The following INVS variants were observed in gnomAD, a reference collection of about 807,000 sequenced individuals.
INVS encodes inversion of embryo turning homolog.
INVS carries 86 observed loss-of-function variants against 108.8 expected under a neutral mutation model. The observed-to-expected ratio is 0.79, with a 90% CI of 0.66 to 0.95. INVS has a LOEUF of 0.95. Among genes scored for constraint, INVS ranks in the 40% least tolerant of loss-of-function variants. INVS has a pLI of 0.00. For missense variants in INVS, 1,169 were observed against 1,297.4 expected (o/e 0.90, Z 1.52); for synonymous variants, 455 against 473.5 (o/e 0.96, Z 0.51).
At chr9:100,152,338 A>C (rs1161285326) in intron 3 of INVS, among the ~76,000 whole-genome samples, 1 of 152,178 alleles carries the variant, frequency 6.6e-6, no homozygotes, top group African/African-American at 2.4e-5. Context: ...TCGGCCATTC[A>C]GTATAGTTGT....
At chr9:100,152,199 C>T (rs1354768669) in intron 3 of INVS, among the ~76,000 whole-genome samples, 1 of 150,124 alleles carries the variant, frequency 6.7e-6, no homozygotes, top group African/African-American at 2.5e-5. Flanking sequence ...TGATGAACAT[C>T]TTAATATGTA....
chr9:100,211,650 A>G (rs1189651446), intron 3 of INVS, among the ~76,000 whole-genome samples: 6 of 152,224 alleles, frequency 3.9e-5, no homozygotes, highest in Non-Finnish European at 8.8e-5. Context: ...GGGGGGAAAT[A>G]TTAGAAGAGT....
intron 3 of INVS, among the ~76,000 whole-genome samples, chr9:100,196,959 C>T (rs911096158): frequency 2.6e-5 from 4 of 152,074 alleles, no homozygotes; most frequent in Non-Finnish European, 5.9e-5. Flanking sequence ...ATGGAGACCT[C>T]TCCACCAGCA....
In INVS at chr9:100,099,405, G is replaced by A. The variant is rs1826740695; in HGVS notation, c.-36G>A. ...AGCCGCCCCCGGGACGTCAGTCCTG[G>A]AGGAGGCGAGGGTGAGTAGGAGGGG... On this transcript the variant is annotated 5_prime_UTR_variant, in exon 1 of 17. Coordinates refer to ENST00000262457, the MANE Select transcript of INVS (RefSeq NM_014425.5). The A allele has an allele frequency of 6.5e-6, 1 of 153,452 alleles. No individual in the cohort carries two copies. The highest frequency in any genetic ancestry group is 6.5e-5 in the Admixed American group (1 of 15,296). The allele number at this position is 153,452 out of a possible 1,614,324, so 9.5% of individuals were successfully genotyped here. A position where few individuals can be genotyped will look rare whatever the true frequency, so the allele number is the denominator to read the frequency against.
intron 2 of INVS, among the ~76,000 whole-genome samples, chr9:100,121,858 G>T (rs936932489): frequency 2.0e-5 from 3 of 151,946 alleles, no homozygotes; most frequent in Non-Finnish European, 4.4e-5. Flanking sequence ...TTCCTTCTAA[G>T]CTTCCCTCAT....
At chr9:100,138,415 A>T (rs937057943) in intron 3 of INVS, among the ~76,000 whole-genome samples, 8 of 151,784 alleles carry the variant, frequency 5.3e-5, no homozygotes, top group African/African-American at 1.2e-4. Flanking sequence ...TCAAAAAAAA[A>T]TTTTATATAT....
chr9:100,117,482 C>G, intron 2 of INVS: 2 of 784,488 alleles, frequency 2.5e-6, no homozygotes, highest in South Asian at 1.4e-5. Context: ...CTTGCCTTCT[C>G]GAGCTCCACG....
intron 12 of INVS, among the ~76,000 whole-genome samples, chr9:100,280,649 A>C (rs1436009790): frequency 1.3e-5 from 2 of 152,312 alleles, no homozygotes; most frequent in East Asian, 3.9e-4. Context: ...TTTTTTTTCT[A>C]AACTTTACAA....
intron 5 of INVS, among the ~76,000 whole-genome samples, chr9:100,231,619 T>G (rs982525087): frequency 6.6e-6 from 1 of 151,918 alleles, no homozygotes; most frequent in Admixed American, 6.6e-5. Context: ...TTTTCTGTTC[T>G]TGTGTTAATT....
rs192762247 is a variant in INVS at position 100,114,156 on chromosome 9, T to C, written c.106+9529T>C. ...TCACCCTTGTTCGTATACAGTTATT[T>C]AATTTTGAGAAATATATAATCATGT... On this transcript the variant is annotated intron_variant, in intron 2 of 16. Coordinates refer to ENST00000262457, the MANE Select transcript of INVS (RefSeq NM_014425.5). Among the ~76,000 whole-genome samples the C allele has an allele frequency of 4.4e-4, 67 of 152,310 alleles. No individual in the cohort carries two copies. The East Asian group carries it at 8.9e-3, about 20-fold the overall frequency.
intron 3 of INVS, among the ~76,000 whole-genome samples, chr9:100,159,599 A>G (rs1175061670): frequency 6.6e-6 from 1 of 152,214 alleles, no homozygotes; most frequent in African/African-American, 2.4e-5. Context: ...CATAAAAAAT[A>G]CAGACTAAAC....
chr9:100,108,469 G>C (rs988749145), intron 2 of INVS, among the ~76,000 whole-genome samples: 5 of 152,178 alleles, frequency 3.3e-5, no homozygotes, highest in African/African-American at 1.2e-4. Context: ...AATAATAACT[G>C]TTTCATCTTA....
At chr9:100,238,061 T>C (rs1158646689) in intron 5 of INVS, among the ~76,000 whole-genome samples, 1 of 152,108 alleles carries the variant, frequency 6.6e-6, no homozygotes, top group East Asian at 1.9e-4. Context: ...ATATTTTTAG[T>C]AGAGACGGGG....
intron 1 of INVS, among the ~76,000 whole-genome samples, chr9:100,104,136 A>G (rs1372663190): frequency 6.6e-6 from 1 of 152,088 alleles, no homozygotes; most frequent in African/African-American, 2.4e-5. Flanking sequence ...CTACCCTCTC[A>G]TTTTACAGAT....
chr9:100,226,010 AT>A, intron 3 of INVS, 51 bp from the exon 4 acceptor site: 1 of 1,360,728 alleles, frequency 7.3e-7, no homozygotes, highest in Non-Finnish European at 1.0e-6. Flanking sequence ...ATTAAAAAAA[AT>A]TTTGACCCCA....
At chr9:100,184,196 A>G (rs1829986496) in intron 3 of INVS, among the ~76,000 whole-genome samples, 1 of 152,194 alleles carries the variant, frequency 6.6e-6, no homozygotes, top group Non-Finnish European at 1.5e-5. Context: ...ACTTCCCAAG[A>G]TTCTAATTCA....
intron 3 of INVS, among the ~76,000 whole-genome samples, chr9:100,140,707 T>G (rs1467919370): frequency 6.6e-6 from 1 of 152,104 alleles, no homozygotes; most frequent in African/African-American, 2.4e-5. Context: ...TTAGGGCTGC[T>G]TCGAGCGGAA....
At chr9:100,139,932 C>T (rs974030950) in intron 3 of INVS, among the ~76,000 whole-genome samples, 2 of 152,098 alleles carry the variant, frequency 1.3e-5, no homozygotes, top group Admixed American at 1.3e-4. Context: ...CATGAGCCAC[C>T]GCACCCAGAC....
intron 11 of INVS, among the ~76,000 whole-genome samples, chr9:100,272,051 T>C (rs1324680254): frequency 6.6e-6 from 1 of 151,614 alleles, no homozygotes; most frequent in East Asian, 1.9e-4. Context: ...GTATTTTTAG[T>C]AGAAACAGGG....
Sources: gnomAD v4.1 joint callset for allele counts (sites outside exome capture counted in the v4.1 genomes callset) on GRCh38, gnomAD v4.1.1 for gene constraint, MANE v1.5 for transcripts, NCBI Gene and HGNC (gene_info 2026-07-23, HGNC 2026-07-21) for gene names.